The following RAB7A variants were observed in gnomAD, a reference collection of about 807,000 sequenced individuals.
RAB7A encodes ras-related protein Rab-7a.
A neutral mutation model predicts 24.5 loss-of-function variants in RAB7A; 2 were observed. That is an observed-to-expected ratio of 0.08 (90% confidence interval 0.03 to 0.26). The LOEUF (loss-of-function observed/expected upper bound fraction) is 0.26. Among genes scored for constraint, RAB7A ranks in the 10% least tolerant of loss-of-function variants. The pLI is 1.00. For missense variants in RAB7A, 118 were observed against 255.7 expected (o/e 0.46, Z 3.67); for synonymous variants, 100 against 95.9 (o/e 1.04, Z -0.25).
chr3:128,747,083 G>T (rs920583351), intron 1 of RAB7A, among the ~76,000 whole-genome samples: 1 of 151,448 alleles, frequency 6.6e-6, no homozygotes, highest in Non-Finnish European at 1.5e-5. Context: ...GAAGGGCAAA[G>T]ATCACTGAGG....
intron 1 of RAB7A, among the ~76,000 whole-genome samples, chr3:128,737,653 T>C (rs535268866): frequency 7.0e-5 from 10 of 143,622 alleles, no homozygotes; most frequent in Non-Finnish European, 9.3e-5. Context: ...CTGTCTCTCT[T>C]TTTTTTTTTT....
intron 1 of RAB7A, among the ~76,000 whole-genome samples, chr3:128,752,294 T>G (rs1452177901): frequency 6.7e-6 from 1 of 150,326 alleles, no homozygotes; most frequent in Non-Finnish European, 1.5e-5. Context: ...ACCAGCAACA[T>G]TAACTAAATA....
intron 1 of RAB7A, among the ~76,000 whole-genome samples, chr3:128,793,572 T>C (rs1363796942): frequency 1.3e-5 from 2 of 152,196 alleles, no homozygotes; most frequent in Non-Finnish European, 2.9e-5. Flanking sequence ...TTGCCCCCAT[T>C]ATCATCATCT....
rs556008014 is a variant in RAB7A, at chr3:128,773,720, A to G, written c.-8-21640A>G. 8.3e-4 allele frequency among the ~76,000 whole-genome samples: 126 copies of G among 152,310 alleles called. 1 individual carries two copies. The Middle Eastern group carries it at 0.014, about 16-fold the overall frequency. On this transcript the variant is annotated intron_variant, in intron 1 of 5. Transcript: ENST00000265062. The stretch of plus-strand genomic sequence containing the variant: ...GTCTGTGTAGAAAGAAGTAGACATC[A>G]CTTTGTTCTGTACTAAGAAAAATTC...
chr3:128,734,636 G>A (rs1216687432), intron 1 of RAB7A, among the ~76,000 whole-genome samples: 1 of 138,102 alleles, frequency 7.2e-6, no homozygotes, highest in East Asian at 2.1e-4. Context: ...TCTAACCATA[G>A]TAGATGGTGC....
At chr3:128,786,160 T>G (rs1213297589) in intron 1 of RAB7A, among the ~76,000 whole-genome samples, 2 of 152,212 alleles carry the variant, frequency 1.3e-5, no homozygotes, top group Admixed American at 6.5e-5. Context: ...CCCTATAGGC[T>G]TGGTTTGTTG....
chr3:128,795,547 T>C (rs1933547996), intron 2 of RAB7A, 127 bp downstream of exon 2: 4 of 847,942 alleles, frequency 4.7e-6, no homozygotes, highest in Admixed American at 3.7e-5. Context: ...CATGTTTCCC[T>C]CCACGGCAGA....
At chr3:128,759,537 G>A (rs529222313) in intron 1 of RAB7A, among the ~76,000 whole-genome samples, 2 of 152,328 alleles carry the variant, frequency 1.3e-5, no homozygotes, top group South Asian at 2.1e-4. Context: ...TCCTTTGCAG[G>A]AATGTAGCTT....
At chr3:128,739,923 G>A (rs925317919) in intron 1 of RAB7A, among the ~76,000 whole-genome samples, 19 of 152,202 alleles carry the variant, frequency 1.2e-4, no homozygotes, top group Admixed American at 2.0e-4. Flanking sequence ...AAAATTAGCC[G>A]GGCATGGTGG....
chr3:128,747,557 G>T (rs2070630569), intron 1 of RAB7A, among the ~76,000 whole-genome samples: 1 of 151,402 alleles, frequency 6.6e-6, no homozygotes, highest in Non-Finnish European at 1.5e-5. Context: ...TTGCACTCCA[G>T]CCTGGGCAAG....
chr3:128,735,359 AG>A (rs67481851), intron 1 of RAB7A, among the ~76,000 whole-genome samples: 32,962 of 152,102 alleles, frequency 0.22, 5,096 homozygotes, highest in African/African-American at 0.43. Context: ...CCTGGTAGGG[AG>A]GGCAGGCACT....
chr3:128,800,674 G>A (rs1933679102), intron 3 of RAB7A, among the ~76,000 whole-genome samples: 2 of 152,248 alleles, frequency 1.3e-5, no homozygotes, highest in Admixed American at 1.3e-4. Context: ...ACTCTTGGCA[G>A]TAGCAGCAGA....
intron 1 of RAB7A, chr3:128,764,835 A>G (rs2070812781): frequency 2.9e-6 from 3 of 1,033,078 alleles, no homozygotes; most frequent in African/African-American, 1.6e-5. Flanking sequence ...CCCTCTCCTC[A>G]TGAGATTGGT....
intron 1 of RAB7A, among the ~76,000 whole-genome samples, chr3:128,743,020 G>A (rs904866162): frequency 4.6e-5 from 7 of 152,172 alleles, no homozygotes; most frequent in African/African-American, 9.7e-5. Flanking sequence ...GGAGCCCACC[G>A]CAGGAGGGCT....
At chr3:128,747,745 A>G (rs1183924121) in intron 1 of RAB7A, among the ~76,000 whole-genome samples, 1 of 151,024 alleles carries the variant, frequency 6.6e-6, no homozygotes, top group Non-Finnish European at 1.5e-5. Flanking sequence ...GAAGCAAAGG[A>G]TTCTTTTTCA....
intron 1 of RAB7A, among the ~76,000 whole-genome samples, chr3:128,772,369 T>A (rs1317099070): frequency 6.6e-6 from 1 of 152,232 alleles, no homozygotes; most frequent in Non-Finnish European, 1.5e-5. Context: ...TGGTCTTTTT[T>A]AAAATTTGTT....
At chr3:128,763,068 A>T (rs1182983686) in intron 1 of RAB7A, among the ~76,000 whole-genome samples, 9 of 151,642 alleles carry the variant, frequency 5.9e-5, no homozygotes, top group Admixed American at 5.9e-4. Context: ...CAGTTGTCCT[A>T]ACAGAGTGTC....
intron 1 of RAB7A, among the ~76,000 whole-genome samples, chr3:128,770,191 C>A (rs888590944): frequency 3.3e-5 from 5 of 151,914 alleles, no homozygotes; most frequent in African/African-American, 7.3e-5. Context: ...TTAGTAGAGA[C>A]CAGTTTTCAC....
At chr3:128,807,207 G>A (rs1048075514) in intron 4 of RAB7A, among the ~76,000 whole-genome samples, 7 of 152,168 alleles carry the variant, frequency 4.6e-5, no homozygotes, top group African/African-American at 1.7e-4. Context: ...CCTGTCCTGG[G>A]ATCTCTGAGG....
Sources: allele counts gnomAD v4.1 joint callset (sites outside exome capture counted in the v4.1 genomes callset), GRCh38; gene constraint gnomAD v4.1.1; transcripts MANE v1.5; gene names NCBI Gene and HGNC (gene_info 2026-07-23, HGNC 2026-07-21).